The following PPP2R5C variants were observed in gnomAD, a reference collection of about 807,000 sequenced individuals.
PPP2R5C encodes serine/threonine-protein phosphatase 2A 56 kDa regulatory subunit gamma isoform.
Under a neutral mutation model 68.9 loss-of-function variants are expected in PPP2R5C, and 7 were observed. That is an observed-to-expected ratio of 0.10 (90% CI 0.06 to 0.19). The LOEUF (loss-of-function observed/expected upper bound fraction) is 0.19. PPP2R5C is among the 10% of genes least tolerant of loss of function. The pLI is 1.00. For missense variants in PPP2R5C, 348 were observed against 641.3 expected, an observed-to-expected ratio of 0.54 and a Z score of 4.94; for synonymous variants, 210 against 222.2, an observed-to-expected ratio of 0.95 and a Z score of 0.49.
At chr14:101,907,191 G>C (rs911593340) in intron 10 of PPP2R5C, among the ~76,000 whole-genome samples, 3 of 151,740 alleles carry the variant, frequency 2.0e-5, no homozygotes, top group African/African-American at 7.3e-5. Flanking sequence ...TTTATTTTTA[G>C]ACAGGGTCTT....
chr14:101,904,018 G>C (rs2045878769), intron 9 of PPP2R5C, among the ~76,000 whole-genome samples: 1 of 151,972 alleles, frequency 6.6e-6, no homozygotes, highest in East Asian at 1.9e-4. Context: ...AAAAAGTACT[G>C]GTTTTAAAAA....
chr14:101,894,594 T>TGTGC, intron 8 of PPP2R5C, 34 bp downstream of exon 10: 1 of 1,582,512 alleles, frequency 6.3e-7, no homozygotes, highest in South Asian at 1.1e-5. Context: ...TTGTAAGATG[T>TGTGC]GTGCATTTCA....
At chr14:101,874,525 T>C (rs1200084655) in intron 2 of PPP2R5C, among the ~76,000 whole-genome samples, 1 of 152,230 alleles carries the variant, frequency 6.6e-6, no homozygotes, top group Non-Finnish European at 1.5e-5. Flanking sequence ...ATGACACTAG[T>C]TGAATTGAAT....
chr14:101,875,558 G>A (rs1176444501), intron 2 of PPP2R5C, among the ~76,000 whole-genome samples: 1 of 152,154 alleles, frequency 6.6e-6, no homozygotes, highest in Non-Finnish European at 1.5e-5. Flanking sequence ...AAGTGTTTGA[G>A]GACCTCCTAG....
Position 101,906,746 on chromosome 14 carries a change from C to T in PPP2R5C, c.1151+217C>T. The T allele has an allele frequency of 1.9e-6, 1 of 539,224 alleles. No individual in the cohort carries two copies. Among genetic ancestry groups the T allele is most frequent in the Non-Finnish European group, 3.1e-6 (1 of 322,494 alleles). The allele number at this position is 539,224 out of a possible 1,614,324, so 33.4% of individuals were successfully genotyped here. A position where few individuals can be genotyped will look rare whatever the true frequency, so the allele number is the denominator to read the frequency against. ...CTTCATTCCTGCCAGTATAGAGGCACATTGGTTTGCAGCCACCTCCCAGTA... is the reference window on the plus strand; with the variant it reads ...CTTCATTCCTGCCAGTATAGAGGCATATTGGTTTGCAGCCACCTCCCAGTA... On this transcript the variant is annotated intron_variant, in intron 10 of 13. Transcript: ENST00000334743. This position sits in a 1 kb window ranked among gnomAD's most constrained non-coding sequence, Gnocchi z 4.0.
Position 101,916,579 on chromosome 14 carries a change from G to A in PPP2R5C, c.1327-1252G>A, listed in dbSNP as rs1566969271. Among the ~76,000 whole-genome samples, 1 of 152,148 alleles carries A rather than the reference G, an allele frequency of 6.6e-6. No homozygotes were observed. Among genetic ancestry groups the A allele is most frequent in the Non-Finnish European group, 1.5e-5 (1 of 68,012 alleles). On this transcript the variant is annotated intron_variant, in intron 12 of 13. Transcript: ENST00000334743. This position sits in a 1 kb window ranked among gnomAD's most constrained non-coding sequence, Gnocchi z 5.5. ...AGGCCCAGTGAGGCAAGGCCGGGAAGGGCTTAGCAGCCAGAGGGCACCCAT... is the reference window on the plus strand; with the variant it reads ...AGGCCCAGTGAGGCAAGGCCGGGAAAGGCTTAGCAGCCAGAGGGCACCCAT...
rs11325673 is a variant in PPP2R5C at position 101,924,445 on chromosome 14, C to CTTTTTTTTTTTTTTTTT, written c.1444-684_1444-683insTTTTTTTTTTTTTTTTT. On this transcript the variant is annotated intron_variant, in intron 13 of 13. Transcript: ENST00000334743. Reference sequence around the variant, plus strand: ...TTTACCTCCAAGGAAATTTCTACATCTTTTTTTTTTTTGAGATGGAGTCTG... The same window carrying CTTTTTTTTTTTTTTTTT: ...TTTACCTCCAAGGAAATTTCTACATCTTTTTTTTTTTTTTTTTTTTTTTTTTTTTGAGATGGAGTCTG... Among the ~76,000 whole-genome samples, 397 of 84,444 alleles carry CTTTTTTTTTTTTTTTTT rather than the reference C, an allele frequency of 4.7e-3. 82 individuals carry two copies. The highest frequency in any genetic ancestry group is 6.4e-3 in the Non-Finnish European group (248 of 38,498). 55.4% of individuals were successfully genotyped at this position (84,444 alleles called of 152,430 possible). A position where few individuals can be genotyped will look rare whatever the true frequency, so the allele number is the denominator to read the frequency against.
At chr14:101,769,684 G>T (rs1566822259) in intron 2 of PPP2R5C, among the ~76,000 whole-genome samples, 1 of 151,882 alleles carries the variant, frequency 6.6e-6, no homozygotes, top group African/African-American at 2.4e-5. Context: ...GAGTATTTTG[G>T]TTTTTTTCTT....
At chr14:101,842,902 A>G (rs1487767200) in intron 1 of PPP2R5C, among the ~76,000 whole-genome samples, 1 of 151,844 alleles carries the variant, frequency 6.6e-6, no homozygotes, top group Non-Finnish European at 1.5e-5. Flanking sequence ...AAAACCAAGC[A>G]GAGAGTGGAG....
At position 101,877,594 on chromosome 14, in the gene PPP2R5C, C is replaced by A. The variant is rs1244250793; in HGVS notation, c.295-4567C>A. On this transcript the variant is annotated intron_variant, in intron 2 of 13. Coordinates refer to ENST00000334743, the Ensembl canonical transcript of PPP2R5C. This position sits in a 1 kb window ranked among gnomAD's most constrained non-coding sequence, Gnocchi z 4.2. The stretch of plus-strand genomic sequence containing the variant: ...TGACATTTGCACACAGACATCAGCA[C>A]CCCAGGTTTCTGTACCTGGGGCTCC... Among the ~76,000 whole-genome samples, 1 of 152,116 alleles carries A rather than the reference C, an allele frequency of 6.6e-6. No individual in the cohort carries two copies. The highest frequency in any genetic ancestry group is 2.4e-5 in the African/African-American group (1 of 41,426).
intron 1 of PPP2R5C, among the ~76,000 whole-genome samples, chr14:101,854,999 G>A (rs1440185899): frequency 3.3e-5 from 5 of 152,108 alleles, no homozygotes; most frequent in Non-Finnish European, 4.4e-5. Flanking sequence ...GTGAAACCCC[G>A]TCTCTACTAA....
At chr14:101,783,729 G>A (rs555686154) in intron 2 of PPP2R5C, among the ~76,000 whole-genome samples, 46 of 152,306 alleles carry the variant, frequency 3.0e-4, no homozygotes, top group East Asian at 1.4e-3. Flanking sequence ...CAGAAGCCAC[G>A]GGGGAGCCCT....
At chr14:101,771,833 A>G (rs1454825007) in intron 2 of PPP2R5C, among the ~76,000 whole-genome samples, 1 of 152,166 alleles carries the variant, frequency 6.6e-6, no homozygotes, top group Non-Finnish European at 1.5e-5. Context: ...GGTAATATCA[A>G]ATTACTAAGG....
intron 3 of PPP2R5C, among the ~76,000 whole-genome samples, chr14:101,798,799 G>T (rs1452579433): frequency 1.3e-5 from 2 of 152,196 alleles, no homozygotes; most frequent in Non-Finnish European, 2.9e-5. Context: ...TCTCAGGAAA[G>T]GTTCAGAATG....
At chr14:101,763,038 A>C (rs896282499) in intron 2 of PPP2R5C, 68 bp downstream of exon 2, 1 of 1,345,834 alleles carries the variant, frequency 7.4e-7, no homozygotes. Flanking sequence ...AAAAACCGAG[A>C]GTGATAAAGC....
At chr14:101,885,379 T>G (rs1252643654) in intron 5 of PPP2R5C, among the ~76,000 whole-genome samples, 1 of 144,614 alleles carries the variant, frequency 6.9e-6, no homozygotes, top group Non-Finnish European at 1.5e-5. Context: ...TCTGCAGTCA[T>G]TAGGGCCCGC....
chr14:101,793,972 T>C (rs1228171322), intron 3 of PPP2R5C, among the ~76,000 whole-genome samples: 5 of 152,172 alleles, frequency 3.3e-5, no homozygotes, highest in Admixed American at 1.3e-4. Context: ...AACTCTAGTC[T>C]CCTATGTCCA....
exon 12 of PPP2R5C, chr14:101,912,438 G>A (rs1213741739): frequency 2.5e-6 from 4 of 1,594,830 alleles, no homozygotes; most frequent in East Asian, 4.6e-5. Context: ...AGAAGCATGG[G>A]TTAAAATAGA....
chr14:101,811,591 C>T (rs1171940482), intron 1 of PPP2R5C, among the ~76,000 whole-genome samples: 3 of 152,118 alleles, frequency 2.0e-5, no homozygotes, highest in Non-Finnish European at 4.4e-5. Flanking sequence ...GATCCTCCCA[C>T]CTCCGCCTCC....
Sources: allele counts gnomAD v4.1 joint callset (sites outside exome capture counted in the v4.1 genomes callset), GRCh38; gene constraint gnomAD v4.1.1; non-coding constraint Gnocchi (gnomAD v3.1); transcripts MANE v1.5; gene names NCBI Gene and HGNC (gene_info 2026-07-23, HGNC 2026-07-21).